Variants in NTRK1 observed in about 807,000 individuals in gnomAD.
The protein encoded by NTRK1 is high affinity nerve growth factor receptor.
In NTRK1, 62 loss-of-function variants were observed where a neutral mutation model predicts 86.8. The ratio of observed to expected loss-of-function variants is 0.71; its 90% CI spans 0.58 to 0.88. The LOEUF is 0.88. Ranked by LOEUF, NTRK1 falls within the 40% of genes least tolerant of loss-of-function variation. NTRK1 has a pLI of 0.00. For synonymous variants in NTRK1, 469 were observed against 456.6 expected (o/e 1.03, Z -0.35); for missense variants, 967 against 1,078.4 (o/e 0.90, Z 1.45).
chr1:156,845,120 C>A, intron 2 of NTRK1: 1 of 1,611,346 alleles, frequency 6.2e-7, no homozygotes, highest in East Asian at 2.2e-5. Flanking sequence ...GGCGCTGCAG[C>A]CCACGGTGTG....
chr1:156,858,776 G>A (rs941366662), upstream of NTRK1: 14 of 638,856 alleles, frequency 2.2e-5, no homozygotes, highest in Middle Eastern at 3.4e-4. Flanking sequence ...GAGACAGCAG[G>A]AGACAGAAAA....
upstream of NTRK1, chr1:156,858,736 C>T (rs1655501260): frequency 1.2e-6 from 1 of 832,840 alleles, no homozygotes; most frequent in East Asian, 2.5e-5. Context: ...AGAGGGAGGG[C>T]AGGGGCAGAG....
chr1:156,844,166 T>C (rs1191890659), intron 2 of NTRK1: 1 of 1,605,978 alleles, frequency 6.2e-7, no homozygotes, highest in Non-Finnish European at 8.5e-7. Context: ...CGGTGGGACT[T>C]ATCATCACCT....
chr1:156,868,047 C>T, intron 4 of NTRK1, 57 bp from the exon 5 acceptor site: 2 of 1,603,622 alleles, frequency 1.2e-6, no homozygotes, highest in Non-Finnish European at 1.7e-6. Flanking sequence ...CCCTCTTATC[C>T]CCTGTGATCC....
At chr1:156,836,586 C>A (rs979763483) in intron 1 of NTRK1, among the ~76,000 whole-genome samples, 18 of 152,156 alleles carry the variant, frequency 1.2e-4, no homozygotes, top group African/African-American at 4.3e-4. Context: ...TATCTTCACC[C>A]TGTGAGTGCC....
chr1:156,818,096 C>G (rs1241763931), intron 1 of NTRK1, among the ~76,000 whole-genome samples: 1 of 152,172 alleles, frequency 6.6e-6, no homozygotes, highest in Non-Finnish European at 1.5e-5. Flanking sequence ...TGGCCAGGGT[C>G]TTTCAGTGTC....
In NTRK1 at chr1:156,881,818, TC is replaced by T; in HGVS notation, c.*179del. On this transcript the variant is annotated 3_prime_UTR_variant, in exon 17 of 17. Coordinates refer to ENST00000524377, the MANE Select transcript of NTRK1 (RefSeq NM_002529.4). The stretch of plus-strand genomic sequence containing the variant: ...GATGTTCCTGCTTCTCTAGGCAAGG[TC>T]CCGTCATAGCAATTATATTTATTAT... 3.3e-6 allele frequency: 2 copies of T among 606,572 alleles called. No homozygotes were observed. Among genetic ancestry groups the T allele is most frequent in the South Asian group, 4.6e-5 (2 of 43,360 alleles). 37.6% of individuals were successfully genotyped at this position (606,572 alleles called of 1,614,324 possible).
intron 11 of NTRK1, among the ~76,000 whole-genome samples, chr1:156,875,280 T>A (rs919755465): frequency 3.3e-5 from 5 of 151,236 alleles, no homozygotes; most frequent in Non-Finnish European, 2.9e-5. Flanking sequence ...GTCTGGGAGG[T>A]CTGGGCTCTG....
rs140038690 is a variant in NTRK1 at position 156,816,425 on chromosome 1, C to T, written c.-64+587C>T. Reference sequence around the variant, plus strand: ...TCCAGGATCTTCTGCCTCCTTCTCCCTTCATCCTCCTGCTCCCTCCTCTCT... The same window carrying T: ...TCCAGGATCTTCTGCCTCCTTCTCCTTTCATCCTCCTGCTCCCTCCTCTCT... On this transcript the variant is annotated intron_variant, in intron 1 of 16. Coordinates refer to the NTRK1 transcript ENST00000392302. Among the ~76,000 whole-genome samples, 450 of 152,332 alleles carry T rather than the reference C, an allele frequency of 3.0e-3. 4 individuals are homozygous for T. The highest frequency in any genetic ancestry group is 0.01 in the African/African-American group (423 of 41,566).
intron 2 of NTRK1, chr1:156,843,396 A>G (rs1296827924): frequency 1.9e-6 from 3 of 1,610,316 alleles, no homozygotes; most frequent in African/African-American, 2.7e-5. Context: ...TCCCTTTCCC[A>G]CACCACCTGT....
At chr1:156,836,074 C>T (rs1654591083) in intron 1 of NTRK1, among the ~76,000 whole-genome samples, 1 of 152,194 alleles carries the variant, frequency 6.6e-6, no homozygotes, top group Non-Finnish European at 1.5e-5. Context: ...TCTGTCCTCC[C>T]CTTTCTCCTC....
intron 1 of NTRK1, among the ~76,000 whole-genome samples, chr1:156,833,727 T>G (rs1654524373): frequency 1.3e-5 from 2 of 152,218 alleles, no homozygotes; most frequent in South Asian, 2.1e-4. Flanking sequence ...GCTGAAACTC[T>G]GCCAACCACA....
chr1:156,858,900 T>C (rs1655507079), upstream of NTRK1: 1 of 464,534 alleles, frequency 2.2e-6, no homozygotes. Context: ...AGGGAGAGTC[T>C]CGGGCCTCCA....
At chr1:156,836,361 C>T (rs890741034) in intron 1 of NTRK1, among the ~76,000 whole-genome samples, 4 of 152,280 alleles carry the variant, frequency 2.6e-5, no homozygotes, top group South Asian at 2.1e-4. Flanking sequence ...GTCTCCCTAC[C>T]GCTGCCTCTC....
intron 7 of NTRK1, among the ~76,000 whole-genome samples, chr1:156,872,945 G>A (rs1287409945): frequency 6.6e-6 from 1 of 151,156 alleles, no homozygotes; most frequent in African/African-American, 2.4e-5. Flanking sequence ...CCAAAGTATT[G>A]GAATTACAGG....
chr1:156,851,383 G>A, intron 2 of NTRK1: 2 of 1,614,100 alleles, frequency 1.2e-6, no homozygotes, highest in Non-Finnish European at 1.7e-6. Context: ...GAGGAAGCCA[G>A]TAATGGTTTC....
chr1:156,865,813 A>G (rs1196724244), intron 3 of NTRK1, among the ~76,000 whole-genome samples: 2 of 152,162 alleles, frequency 1.3e-5, no homozygotes, highest in African/African-American at 2.4e-5. Context: ...AGGCAGAGAG[A>G]TGGGAAGGAT....
At chr1:156,822,930 TAGCTCCTCA>T (rs1228932505) in intron 1 of NTRK1, among the ~76,000 whole-genome samples, 2 of 152,210 alleles carry the variant, frequency 1.3e-5, no homozygotes, top group Non-Finnish European at 2.9e-5. Flanking sequence ...GCAGCTACTT[TAGCTCCTCA>T]TGGTAACCAT....
chr1:156,823,836 G>A (rs778018843), intron 1 of NTRK1, among the ~76,000 whole-genome samples: 1 of 152,210 alleles, frequency 6.6e-6, no homozygotes, highest in African/African-American at 2.4e-5. Context: ...GTGGCGGAAA[G>A]GAAAGGCTGG....
Sources: gnomAD v4.1 joint callset for allele counts (sites outside exome capture counted in the v4.1 genomes callset) on GRCh38, gnomAD v4.1.1 for gene constraint, MANE v1.5 for transcripts, NCBI Gene and HGNC (gene_info 2026-07-23, HGNC 2026-07-21) for gene names.